Variants in SEC22C observed in about 807,000 individuals in gnomAD.
The protein encoded by SEC22C is SEC22 homolog C, vesicle trafficking protein.
SEC22C carries 29 observed loss-of-function variants against 34.7 expected under a neutral mutation model. That is an observed-to-expected ratio of 0.84 (90% CI 0.62 to 1.14). SEC22C has a LOEUF of 1.14. Ranked by LOEUF, SEC22C falls within the 50% of genes most tolerant of loss-of-function variation. SEC22C has a pLI of 0.00. For synonymous variants in SEC22C, 117 were observed against 132.8 expected, an observed-to-expected ratio of 0.88 and a Z score of 0.82; for missense variants, 337 against 369.0, an observed-to-expected ratio of 0.91 and a Z score of 0.71.
At chr3:42,584,144 G>A (rs1024208132), upstream of SEC22C, among the ~76,000 whole-genome samples, 1 of 152,082 alleles carries the variant, frequency 6.6e-6, no homozygotes, top group Admixed American at 6.6e-5. Context: ...GATCTATATT[G>A]TAGATATATA....
At chr3:42,593,975 T>A (rs139412653) in intron 1 of SEC22C, among the ~76,000 whole-genome samples, 2 of 152,302 alleles carry the variant, frequency 1.3e-5, no homozygotes, top group East Asian at 3.9e-4. Context: ...GGTATAGCCA[T>A]AAGAGGTGAG....
chr3:42,556,978 C>A (rs1702568380), intron 5 of SEC22C, among the ~76,000 whole-genome samples: 2 of 152,206 alleles, frequency 1.3e-5, no homozygotes, highest in Non-Finnish European at 2.9e-5. Flanking sequence ...CCACCTCAAC[C>A]TCCCAGAAGT....
chr3:42,580,374 A>G (rs1704255609), intron 1 of SEC22C: 1 of 152,266 alleles, frequency 6.6e-6, no homozygotes, highest in African/African-American at 2.4e-5. Context: ...AAGTATATAC[A>G]GAATACAGAA....
rs921314039 is a variant in SEC22C at position 42,551,539 on chromosome 3, T to G, written c.*1709A>C. On this transcript the variant is annotated 3_prime_UTR_variant, in exon 7 of 7. Coordinates refer to ENST00000264454, the MANE Select transcript of SEC22C (RefSeq NM_032970.4). ...TTTTTTGTAGAGATGAATCTTACTATGTTGTCCAGGCTGGTCTCAAACTAC... is the reference window on the plus strand; with the variant it reads ...TTTTTTGTAGAGATGAATCTTACTAGGTTGTCCAGGCTGGTCTCAAACTAC... The G allele has an allele frequency of 4.4e-6, 2 of 453,812 alleles. No homozygotes were observed. The highest frequency in any genetic ancestry group is 5.8e-6 in the Non-Finnish European group (2 of 344,622). The allele number at this position is 453,812 out of a possible 1,614,324, so 28.1% of individuals were successfully genotyped here.
At chr3:42,594,070 C>A (rs1485375841) in intron 1 of SEC22C, among the ~76,000 whole-genome samples, 1 of 152,090 alleles carries the variant, frequency 6.6e-6, no homozygotes, top group African/African-American at 2.4e-5. Flanking sequence ...GAGATGGGAG[C>A]CTTTGGAAGG....
intron 4 of SEC22C, among the ~76,000 whole-genome samples, chr3:42,560,186 T>C (rs9311323): frequency 0.28 from 39,604 of 144,014 alleles, 6,286 homozygotes; most frequent in East Asian, 0.48. Flanking sequence ...ATATAATATA[T>C]ATATTATATA....
At chr3:42,561,706 G>A (rs763850152) in intron 3 of SEC22C, among the ~76,000 whole-genome samples, 10 of 152,176 alleles carry the variant, frequency 6.6e-5, no homozygotes, top group Non-Finnish European at 1.3e-4. Context: ...ACATTTCTAA[G>A]AGCTAATAAA....
rs909044940 is a variant in SEC22C at position 42,550,001 on chromosome 3, C to T, written c.*3247G>A. ...CTGTCTCCACCCAGGAAAAGGAAAGCCAGGTACACTTCTCATCACAGTAAG... is the reference window on the plus strand; with the variant it reads ...CTGTCTCCACCCAGGAAAAGGAAAGTCAGGTACACTTCTCATCACAGTAAG... On this transcript the variant is annotated 3_prime_UTR_variant, in exon 7 of 7. Coordinates refer to ENST00000264454, the MANE Select transcript of SEC22C (RefSeq NM_032970.4). 4.3e-5 allele frequency: 42 copies of T among 985,334 alleles called. No homozygotes were observed. Among genetic ancestry groups the T allele is most frequent in the Non-Finnish European group, 4.5e-5 (37 of 829,974 alleles). 61.0% of individuals were successfully genotyped at this position (985,334 alleles called of 1,614,324 possible).
upstream of SEC22C, among the ~76,000 whole-genome samples, chr3:42,584,300 G>T (rs1306611763): frequency 1.3e-5 from 2 of 152,174 alleles, no homozygotes; most frequent in African/African-American, 4.8e-5. Flanking sequence ...TGTGGCCTAG[G>T]TTGGAGTTTA....
chr3:42,581,536 C>A (rs566805232), intron 1 of SEC22C, among the ~76,000 whole-genome samples: 24 of 152,400 alleles, frequency 1.6e-4, no homozygotes, highest in Admixed American at 2.6e-4. Flanking sequence ...AAGAAACAAT[C>A]GTCCCCTTTC....
chr3:42,555,768 G>C (rs1029744024), intron 6 of SEC22C, among the ~76,000 whole-genome samples, 162 bp downstream of exon 6: 5 of 152,234 alleles, frequency 3.3e-5, no homozygotes, highest in South Asian at 4.1e-4. Flanking sequence ...GGACTGGCCA[G>C]GATGGGCCTA....
chr3:42,581,615 C>G (rs552728433), intron 1 of SEC22C, among the ~76,000 whole-genome samples: 1 of 152,376 alleles, frequency 6.6e-6, no homozygotes, highest in African/African-American at 2.4e-5. Flanking sequence ...TTCCTGCAGG[C>G]GCGTGCCTTG....
At chr3:42,591,046 T>A in intron 1 of SEC22C, 1 of 1,458,808 alleles carries the variant, frequency 6.9e-7, no homozygotes, top group Non-Finnish European at 9.3e-7. Flanking sequence ...AAGCATCCTG[T>A]AGTGAGCGGC....
chr3:42,600,898 G>A, intron 1 of SEC22C: 3 of 803,902 alleles, frequency 3.7e-6, no homozygotes, highest in Non-Finnish European at 1.8e-6. Flanking sequence ...ACCGTGGCGC[G>A]GACTTCGTCT....
At chr3:42,597,850 T>A (rs1230344889) in intron 1 of SEC22C, among the ~76,000 whole-genome samples, 1 of 152,240 alleles carries the variant, frequency 6.6e-6, no homozygotes, top group East Asian at 1.9e-4. Context: ...TTTCCAAATT[T>A]ACTATAAAAC....
rs974030008 is a variant in SEC22C, at chr3:42,548,524, C to T, written c.*4724G>A. The T allele has an allele frequency of 1.4e-6, 2 of 1,461,108 alleles. No individual in the cohort carries two copies. Among genetic ancestry groups the T allele is most frequent in the Non-Finnish European group, 1.9e-6 (2 of 1,046,310 alleles). 90.5% of individuals were successfully genotyped at this position (1,461,108 alleles called of 1,614,324 possible). On this transcript the variant is annotated 3_prime_UTR_variant, in exon 7 of 7. Transcript: ENST00000264454. ...CATGCCCTTTTCCACAGGCTCCCTG[C>T]TGATGAGATTTCCCCAGCAGCAGAA...
intron 1 of SEC22C, among the ~76,000 whole-genome samples, chr3:42,571,966 G>A (rs567505919): frequency 2.0e-5 from 3 of 152,292 alleles, no homozygotes; most frequent in East Asian, 3.9e-4. Context: ...CCGGGAGGGA[G>A]AGGTTACAGT....
rs2125691768 is a variant in SEC22C, at chr3:42,551,389, TG to T, written c.*1858del. 2 of 954,730 alleles carry T rather than the reference TG, an allele frequency of 2.1e-6. No individual in the cohort carries two copies. The highest frequency in any genetic ancestry group is 2.5e-6 in the Non-Finnish European group (2 of 801,948). 59.1% of individuals were successfully genotyped at this position (954,730 alleles called of 1,614,324 possible). On this transcript the variant is annotated 3_prime_UTR_variant, in exon 7 of 7. Transcript: ENST00000264454. The stretch of plus-strand genomic sequence containing the variant: ...CAGGGTTTCACTCTGTCATGCAGGC[TG>T]GGGTGCAGTGGTGTGATTATAGCTC...
chr3:42,585,925 A>G (rs1251807545), upstream of SEC22C, among the ~76,000 whole-genome samples: 1 of 151,260 alleles, frequency 6.6e-6, no homozygotes, highest in Non-Finnish European at 1.5e-5. Context: ...TGCTCCCCAG[A>G]TCTCCCACTC....
Sources: gnomAD v4.1 joint callset for allele counts (sites outside exome capture counted in the v4.1 genomes callset) on GRCh38, gnomAD v4.1.1 for gene constraint, MANE v1.5 for transcripts, NCBI Gene and HGNC (gene_info 2026-07-23, HGNC 2026-07-21) for gene names.